EBF2: variants seen among roughly 807,000 people sequenced by gnomAD.
EBF2 encodes EBF transcription factor 2.
A neutral mutation model predicts 72.8 loss-of-function variants in EBF2; 21 were observed. The ratio of observed to expected loss-of-function variants is 0.29; its 90% CI spans 0.20 to 0.42. The LOEUF (loss-of-function observed/expected upper bound fraction) is 0.42. Ranked by LOEUF, EBF2 falls within the 10% of genes least tolerant of loss-of-function variation. The pLI is 1.00. For synonymous variants in EBF2, 299 were observed against 274.2 expected (o/e 1.09, Z -0.89); for missense variants, 637 against 731.2 (o/e 0.87, Z 1.49).
In EBF2 at chr8:26,016,320, C is replaced by A. The variant is rs561348146; in HGVS notation, c.551+16765G>T. 3.9e-5 allele frequency among the ~76,000 whole-genome samples: 6 copies of A among 152,308 alleles called. No individual in the cohort carries two copies. The East Asian group carries it at 5.8e-4, about 15-fold the overall frequency. ...TTTAGTGATACAGACCAGCAGGAGGCAGATATCAGCAAAGTTAATTCTTCT... is the reference window on the plus strand; with the variant it reads ...TTTAGTGATACAGACCAGCAGGAGGAAGATATCAGCAAAGTTAATTCTTCT... On this transcript the variant is annotated intron_variant, in intron 6 of 15. Coordinates refer to ENST00000520164, the MANE Select transcript of EBF2 (RefSeq NM_022659.4).
chr8:25,992,315 C>CA (rs1420270993), intron 6 of EBF2, among the ~76,000 whole-genome samples: 35 of 115,856 alleles, frequency 3.0e-4, no homozygotes, highest in African/African-American at 1.1e-3. Flanking sequence ...GCCTGGGCAA[C>CA]AGCGTGAGAC....
At chr8:26,013,811 A>G (rs917336367) in intron 6 of EBF2, among the ~76,000 whole-genome samples, 30 of 152,304 alleles carry the variant, frequency 2.0e-4, no homozygotes, top group African/African-American at 7.2e-4. Context: ...TCCCTGAGGA[A>G]TCTGGCATTA....
intron 6 of EBF2, among the ~76,000 whole-genome samples, chr8:25,933,066 T>C (rs979091362): frequency 5.9e-5 from 9 of 152,052 alleles, no homozygotes; most frequent in African/African-American, 2.2e-4. Flanking sequence ...ACTGGAAACG[T>C]TGTGAGTTGT....
intron 6 of EBF2, among the ~76,000 whole-genome samples, chr8:25,972,660 G>A (rs1222527788): frequency 6.6e-6 from 1 of 152,120 alleles, no homozygotes; most frequent in Non-Finnish European, 1.5e-5. Context: ...GATTTGCTGA[G>A]GGTCACACAG....
chr8:25,911,349 A>G (rs1803126600), intron 6 of EBF2, among the ~76,000 whole-genome samples: 1 of 152,198 alleles, frequency 6.6e-6, no homozygotes, highest in African/African-American at 2.4e-5. Flanking sequence ...CACACGACAA[A>G]GCTTCTGATC....
rs1346222951 is a variant in EBF2 at position 26,040,619 on chromosome 8, C to T, written c.405G>A (p.Lys135=). The T allele has an allele frequency of 1.3e-6, 2 of 1,552,732 alleles. No homozygotes were observed. Among genetic ancestry groups the T allele is most frequent in the Admixed American group, 2.0e-5 (1 of 51,174 alleles). The change falls in exon 4 of 16, where the codon AAG becomes AAA. Residue 135 remains lysine (K), a synonymous_variant. Coordinates refer to ENST00000520164, the MANE Select transcript of EBF2 (RefSeq NM_022659.4). ...AGCCAAGTGGCCTCCGGCTCACCTGCTTGGTGACCGAGTCGATGAGCCTGA... is the reference window on the plus strand; with the variant it reads ...AGCCAAGTGGCCTCCGGCTCACCTGTTTGGTGACCGAGTCGATGAGCCTGA... The part of the protein sequence containing the change: ...LYVRLIDSVT[K]QPIAYEGQNK...
rs1801761580 is a variant in EBF2, at chr8:25,842,674, C to T, written c.*1935G>A. ...ACTGTCAGCAGTAGTTATAAGCATG[C>T]CAGGTTTCTAAAACCTTGGATTCTC... On this transcript the variant is annotated 3_prime_UTR_variant, in exon 16 of 16. Transcript: ENST00000520164. 6.6e-6 allele frequency: 1 copy of T among 152,106 alleles called. No homozygotes were observed. The highest frequency in any genetic ancestry group is 6.6e-5 in the Admixed American group (1 of 15,264). The allele number at this position is 152,106 out of a possible 1,614,324, so 9.4% of individuals were successfully genotyped here.
intron 7 of EBF2, among the ~76,000 whole-genome samples, chr8:25,899,288 A>C (rs7014899): frequency 0.65 from 98,714 of 151,038 alleles, 33,262 homozygotes; most frequent in East Asian, 0.86. Flanking sequence ...TTTCTTAACT[A>C]GGACTATCTG....
chr8:25,877,061 T>C (rs2117279322), intron 10 of EBF2, among the ~76,000 whole-genome samples: 1 of 152,348 alleles, frequency 6.6e-6, no homozygotes, highest in African/African-American at 2.4e-5. Context: ...TGTGCTCATT[T>C]ACCCCCATGT....
Position 25,890,358 on chromosome 8 carries a change from A to C in EBF2, c.634-489T>G, listed in dbSNP as rs116329964. 2.6e-3 allele frequency among the ~76,000 whole-genome samples: 390 copies of C among 152,314 alleles called. 2 individuals are homozygous for C. Among genetic ancestry groups the C allele is most frequent in the African/African-American group, 9.0e-3 (376 of 41,584 alleles). On this transcript the variant is annotated intron_variant, in intron 7 of 15. Transcript: ENST00000520164. ...TGAATTGTCTGTGGTGTTGCTGCCC[A>C]GTAGAGAGTGGTGGCAGCGATGCCT...
intron 6 of EBF2, among the ~76,000 whole-genome samples, chr8:26,011,811 TAA>T (rs71551843): frequency 2.5e-4 from 36 of 143,248 alleles, no homozygotes; most frequent in African/African-American, 5.9e-4. Context: ...AACTTTTTTT[TAA>T]AAAAAAAAAG....
intron 6 of EBF2, among the ~76,000 whole-genome samples, chr8:26,014,050 T>C (rs956064650): frequency 6.6e-6 from 1 of 152,230 alleles, no homozygotes; most frequent in East Asian, 1.9e-4. Context: ...CCAGGACTTT[T>C]GTATTAGGTG....
intron 7 of EBF2, among the ~76,000 whole-genome samples, chr8:25,897,954 G>T (rs1207146132): frequency 6.6e-6 from 1 of 152,048 alleles, no homozygotes; most frequent in Non-Finnish European, 1.5e-5. Context: ...CTTTCTTAAG[G>T]AACCAGACAG....
chr8:25,854,748 A>G (rs944054735), intron 14 of EBF2, among the ~76,000 whole-genome samples: 7 of 152,094 alleles, frequency 4.6e-5, no homozygotes, highest in African/African-American at 1.7e-4. Flanking sequence ...TTTAAAAATT[A>G]TTTTTATACA....
chr8:25,859,270 T>C (rs1421062406), intron 13 of EBF2, among the ~76,000 whole-genome samples: 2 of 152,214 alleles, frequency 1.3e-5, no homozygotes, highest in South Asian at 2.1e-4. Context: ...GCTAGCCTAG[T>C]GTTTGCCAAA....
chr8:25,876,077 G>A (rs1367169444), intron 10 of EBF2, among the ~76,000 whole-genome samples: 1 of 152,216 alleles, frequency 6.6e-6, no homozygotes, highest in Non-Finnish European at 1.5e-5. Context: ...ATACTATGCA[G>A]CCATAAAAAG....
At chr8:26,010,579 G>C (rs888613413) in intron 6 of EBF2, among the ~76,000 whole-genome samples, 1 of 152,214 alleles carries the variant, frequency 6.6e-6, no homozygotes, top group African/African-American at 2.4e-5. Context: ...GCTGAGCACC[G>C]AGAGGAGCAC....
At chr8:26,028,115 A>T (rs1295256669) in intron 6 of EBF2, among the ~76,000 whole-genome samples, 1 of 152,202 alleles carries the variant, frequency 6.6e-6, no homozygotes, top group African/African-American at 2.4e-5. Flanking sequence ...TAAGATGGTA[A>T]ATTTTATATG....
intron 6 of EBF2, among the ~76,000 whole-genome samples, chr8:25,926,120 C>T (rs1803381757): frequency 6.6e-6 from 1 of 152,114 alleles, no homozygotes; most frequent in African/African-American, 2.4e-5. Flanking sequence ...ACTATGAGTC[C>T]TTCTACCGGG....
Sources: gnomAD v4.1 joint callset for allele counts (sites outside exome capture counted in the v4.1 genomes callset) on GRCh38, gnomAD v4.1.1 for gene constraint, MANE v1.5 for transcripts, NCBI Gene and HGNC (gene_info 2026-07-23, HGNC 2026-07-21) for gene names.